Variants in GBP2 observed in about 807,000 individuals in gnomAD.
GBP2 encodes guanylate-binding protein 2.
GBP2 carries 54 observed loss-of-function variants against 60.8 expected under a neutral mutation model. That is an observed-to-expected ratio of 0.89 (90% confidence interval 0.71 to 1.11). GBP2 has a LOEUF of 1.11. Ranked by LOEUF, GBP2 falls within the 50% of genes most tolerant of loss-of-function variation. The probability of loss-of-function intolerance (pLI) is 0.00; values close to 1 mark genes in which losing one functional copy is unlikely to be tolerated. For missense variants in GBP2, 665 were observed against 703.3 expected (o/e 0.95, Z 0.62); for synonymous variants, 243 against 256.5 (o/e 0.95, Z 0.50).
At chr1:89,123,551 C>T (rs993323812) in intron 1 of GBP2, among the ~76,000 whole-genome samples, 4 of 152,172 alleles carry the variant, frequency 2.6e-5, no homozygotes, top group Non-Finnish European at 5.9e-5. Flanking sequence ...GTTACTAACT[C>T]ATAAGTGTTT....
intron 8 of GBP2, 74 bp from the exon 9 acceptor site, chr1:89,110,340 T>C: frequency 9.3e-7 from 1 of 1,074,882 alleles, no homozygotes; most frequent in Non-Finnish European, 1.4e-6. Context: ...CCACTGGGTA[T>C]CTACCCAGAG....
chr1:89,113,238 A>G (rs538457009), intron 7 of GBP2, among the ~76,000 whole-genome samples: 5 of 152,346 alleles, frequency 3.3e-5, no homozygotes, highest in Non-Finnish European at 7.3e-5. Flanking sequence ...ACATAAGAAT[A>G]TTTTTGTGTA....
At chr1:89,120,049 C>T in intron 4 of GBP2, 130 bp downstream of exon 4, 1 of 650,562 alleles carries the variant, frequency 1.5e-6, no homozygotes, top group South Asian at 1.9e-5. Context: ...AGATGTTCAG[C>T]ATAATGAGAT....
In GBP2 at chr1:89,107,989, GCTC is replaced by G; in HGVS notation, c.*183_*185del. 2.0e-6 allele frequency: 1 copy of G among 500,620 alleles called. No homozygotes were observed. Among genetic ancestry groups the G allele is most frequent in the South Asian group, 2.5e-5 (1 of 40,722 alleles). The allele number at this position is 500,620 out of a possible 1,614,324, so 31.0% of individuals were successfully genotyped here. A position where few individuals can be genotyped will look rare whatever the true frequency, so the allele number is the denominator to read the frequency against. On this transcript the variant is annotated 3_prime_UTR_variant, in exon 11 of 11. Coordinates refer to ENST00000370466, the MANE Select transcript of GBP2 (RefSeq NM_004120.5). ...ACTATAAATAAGCATGAGTTGAATT[GCTC>G]TGTAGGTAAAACATTGACCTCATAC...
intron 7 of GBP2, chr1:89,113,022 C>A: frequency 3.2e-6 from 1 of 308,458 alleles, no homozygotes; most frequent in Non-Finnish European, 6.2e-6. Context: ...AGTCAGGCAG[C>A]CTGCCTGGAG....
chr1:89,113,869 TA>T, intron 7 of GBP2, 146 bp downstream of exon 7: 1 of 1,089,200 alleles, frequency 9.2e-7, no homozygotes, highest in Non-Finnish European at 1.3e-6. Flanking sequence ...TTTAAAGGTC[TA>T]AGGCTATGCA....
At chr1:89,118,440 G>C (rs916520193) in intron 4 of GBP2, 3 of 152,202 alleles carry the variant, frequency 2.0e-5, no homozygotes, top group Non-Finnish European at 2.9e-5. Context: ...AAAATAAATA[G>C]AGGTTGGGAT....
At chr1:89,116,304 G>A (rs758015113) in intron 6 of GBP2, among the ~76,000 whole-genome samples, 25 of 152,040 alleles carry the variant, frequency 1.6e-4, no homozygotes, top group Non-Finnish European at 3.2e-4. Flanking sequence ...ATTAGCCACC[G>A]TGCCCAGCCA....
In GBP2 at chr1:89,112,620, C is replaced by A; in HGVS notation, c.1214G>T (p.Cys405Phe). The A allele has an allele frequency of 6.2e-7, 1 of 1,614,178 alleles. No individual in the cohort carries two copies. The highest frequency in any genetic ancestry group is 8.5e-7 in the Non-Finnish European group (1 of 1,180,030). Residue 405 changes from cysteine (C) to phenylalanine (F), a missense_variant, in exon 8 of 11, where the codon TGC becomes TTC. By Grantham distance (205) the Cys-to-Phe change is radical. Transcript: ENST00000370466. ...AAATATATCCTGAAGTAAAGCCATG[C>A]AACAATCTGATGATGCTTTGGAATT... is the stretch of plus-strand genomic sequence containing the variant. ...KQNSKASSDC[C>F]MALLQDIFGP...
At chr1:89,114,922 T>A (rs1252406161) in intron 6 of GBP2, among the ~76,000 whole-genome samples, 1 of 152,218 alleles carries the variant, frequency 6.6e-6, no homozygotes, top group Non-Finnish European at 1.5e-5. Flanking sequence ...ACCATCTGTA[T>A]GGATGGCTGG....
intron 1 of GBP2, among the ~76,000 whole-genome samples, chr1:89,124,589 C>A (rs1054972911): frequency 3.9e-5 from 6 of 152,200 alleles, no homozygotes; most frequent in African/African-American, 1.4e-4. Flanking sequence ...CTAACCCAGC[C>A]TTGGTCCTGA....
intron 1 of GBP2, among the ~76,000 whole-genome samples, chr1:89,122,591 G>C (rs1364318369): frequency 6.6e-6 from 1 of 152,020 alleles, no homozygotes; most frequent in Non-Finnish European, 1.5e-5. Flanking sequence ...GCCATTTTCA[G>C]TGTCTTGTAT....
chr1:89,124,998 T>A (rs558465476), intron 1 of GBP2, among the ~76,000 whole-genome samples: 1 of 152,338 alleles, frequency 6.6e-6, no homozygotes, highest in South Asian at 2.1e-4. Flanking sequence ...ATATACACAA[T>A]TGTAGGCATA....
Position 89,117,715 on chromosome 1 carries a change from C to T in GBP2, c.487G>A (p.Val163Ile), listed in dbSNP as rs1681307894. The T allele has an allele frequency of 1.9e-6, 3 of 1,613,942 alleles. No homozygotes were observed. The highest frequency in any genetic ancestry group is 1.7e-5 in the Admixed American group (1 of 59,988). ...KANSSPGNNS[V>I]DDSADFVSFF... ...CTCACAAAGTCAGCTGAGTCGTCTA[C>T]AGAATTGTTACCAGGTGAGGAGTTT... The change falls in exon 5 of 11, where the codon GTA (valine) becomes ATA (isoleucine). Residue 163 changes from valine to isoleucine, a missense_variant. Transcript: ENST00000370466.
chr1:89,125,074 TG>T (rs1448567836), intron 1 of GBP2, among the ~76,000 whole-genome samples: 3 of 152,226 alleles, frequency 2.0e-5, no homozygotes, highest in Non-Finnish European at 4.4e-5. Context: ...GAAGCCTTCC[TG>T]TAGTAACATC....
rs576540271 is a variant in GBP2 at position 89,117,404 on chromosome 1, T to G, written c.626-170A>C. ...AAAGTCTCCAAGAAGAGGTAGGTAA[T>G]GCAATTTAAAATTGGTTCCAACTGA... On this transcript the variant is annotated intron_variant, in intron 5 of 10. Transcript: ENST00000370466. 1.8e-4 allele frequency among the ~76,000 whole-genome samples: 27 copies of G among 152,302 alleles called. No individual in the cohort carries two copies. The South Asian group carries it at 5.4e-3, about 30-fold the overall frequency.
At chr1:89,119,176 G>GA (rs1189315371) in intron 4 of GBP2, 1 of 152,170 alleles carries the variant, frequency 6.6e-6, no homozygotes, top group Non-Finnish European at 1.5e-5. Context: ...AAGGAAGGTG[G>GA]AAAATTAGGA....
chr1:89,116,583 T>C (rs562171065), intron 6 of GBP2, among the ~76,000 whole-genome samples: 2 of 152,332 alleles, frequency 1.3e-5, no homozygotes, highest in South Asian at 4.1e-4. Context: ...CATTACATTA[T>C]AGGCATTCCC....
chr1:89,106,611 T>C lies in GBP2; in HGVS notation c.*1564A>G, dbSNP rs998822109. The stretch of plus-strand genomic sequence containing the variant: ...CTCAAGTCTTAGGTTATTCCTACTA[T>C]AAGATTTATCTCCATACATCTGCAT... On this transcript the variant is annotated 3_prime_UTR_variant, in exon 11 of 11. Transcript: ENST00000370466. 6 of 152,226 alleles carry C rather than the reference T, an allele frequency of 3.9e-5. No individual in the cohort carries two copies. The highest frequency in any genetic ancestry group is 1.4e-4 in the African/African-American group (6 of 41,454). The allele number at this position is 152,226 out of a possible 1,614,324, so 9.4% of individuals were successfully genotyped here.
Sources: gnomAD v4.1 joint callset for allele counts (sites outside exome capture counted in the v4.1 genomes callset) on GRCh38, gnomAD v4.1.1 for gene constraint, MANE v1.5 for transcripts, NCBI Gene and HGNC (gene_info 2026-07-23, HGNC 2026-07-21) for gene names.